The following OPCML variants were observed in gnomAD, a reference collection of about 807,000 sequenced individuals.
OPCML encodes the protein opioid binding protein/cell adhesion molecule like, also known as opioid-binding protein/cell adhesion molecule.
A neutral mutation model predicts 37.8 loss-of-function variants in OPCML; 13 were observed. That is an observed-to-expected ratio of 0.34 (90% CI 0.22 to 0.55). The LOEUF is 0.55. Ranked by LOEUF, OPCML falls within the 20% of genes least tolerant of loss-of-function variation. OPCML has a pLI of 0.91. For synonymous variants in OPCML, 176 were observed against 168.8 expected (o/e 1.04, Z -0.33); for missense variants, 341 against 435.6 (o/e 0.78, Z 1.93).
chr11:133,357,192 T>A (rs980390479), intron 1 of OPCML, among the ~76,000 whole-genome samples: 44 of 152,168 alleles, frequency 2.9e-4, no homozygotes, highest in African/African-American at 8.7e-4. Context: ...GAAACAACCA[T>A]CTCAGGTGGA....
At chr11:132,822,926 T>C (rs970155860) in intron 2 of OPCML, among the ~76,000 whole-genome samples, 4 of 152,212 alleles carry the variant, frequency 2.6e-5, no homozygotes, top group Non-Finnish European at 5.9e-5. Context: ...ATGAAGACTA[T>C]AATCATATCC....
chr11:133,013,700 G>C (rs955640768), intron 1 of OPCML, among the ~76,000 whole-genome samples: 24 of 152,166 alleles, frequency 1.6e-4, no homozygotes, highest in Non-Finnish European at 3.2e-4. Flanking sequence ...GTATTACGTA[G>C]GACAGTAAGT....
chr11:133,309,892 T>C (rs183230520), intron 1 of OPCML, among the ~76,000 whole-genome samples: 1 of 152,312 alleles, frequency 6.6e-6, no homozygotes, highest in African/African-American at 2.4e-5. Flanking sequence ...GGGAATGCAA[T>C]GCTTGAAGGG....
chr11:133,224,162 G>T (rs528169433), intron 1 of OPCML, among the ~76,000 whole-genome samples: 1 of 152,298 alleles, frequency 6.6e-6, no homozygotes, highest in East Asian at 1.9e-4. Context: ...TCAGGAAGGA[G>T]CACTTTGCCA....
At chr11:132,920,014 T>C (rs1944737929) in intron 2 of OPCML, among the ~76,000 whole-genome samples, 1 of 152,182 alleles carries the variant, frequency 6.6e-6, no homozygotes, top group Non-Finnish European at 1.5e-5. Context: ...GAGTAGCCGC[T>C]AATGGGTTTG....
At chr11:132,891,622 C>T (rs1943652435) in intron 2 of OPCML, among the ~76,000 whole-genome samples, 1 of 152,160 alleles carries the variant, frequency 6.6e-6, no homozygotes, top group African/African-American at 2.4e-5. Context: ...AGGCTTTTAT[C>T]TCTCTTGTTC....
intron 2 of OPCML, among the ~76,000 whole-genome samples, chr11:132,936,740 A>T (rs1477782195): frequency 6.6e-6 from 1 of 152,180 alleles, no homozygotes; most frequent in Non-Finnish European, 1.5e-5. Flanking sequence ...CACCAGGTAT[A>T]AAAAGCATCA....
At chr11:132,520,608 A>G (rs1359578328) in intron 4 of OPCML, among the ~76,000 whole-genome samples, 2 of 152,070 alleles carry the variant, frequency 1.3e-5, no homozygotes, top group African/African-American at 2.4e-5. Flanking sequence ...CAAAAATGGT[A>G]GAGATAGGTA....
intron 2 of OPCML, among the ~76,000 whole-genome samples, chr11:132,774,548 T>C (rs1424238595): frequency 1.3e-5 from 2 of 152,224 alleles, no homozygotes; most frequent in African/African-American, 4.8e-5. Context: ...TCTTATTCTG[T>C]GCTTGCAAAG....
chr11:133,138,315 T>C (rs996371147), intron 1 of OPCML, among the ~76,000 whole-genome samples: 1 of 152,184 alleles, frequency 6.6e-6, no homozygotes, highest in African/African-American at 2.4e-5. Context: ...GCTAAACGTC[T>C]TTTGCTTTTA....
At chr11:133,475,881 G>C (rs138967732) in intron 1 of OPCML, among the ~76,000 whole-genome samples, 2,100 of 152,252 alleles carry the variant, frequency 0.014, 60 homozygotes, top group African/African-American at 0.048. Flanking sequence ...TGAAATAAAA[G>C]GTCCTTGCCT....
intron 2 of OPCML, among the ~76,000 whole-genome samples, chr11:132,723,394 T>C (rs1944750910): frequency 6.6e-6 from 1 of 152,208 alleles, no homozygotes; most frequent in Non-Finnish European, 1.5e-5. Context: ...ATCTGGGCTC[T>C]GCTATTTCCC....
intron 3 of OPCML, among the ~76,000 whole-genome samples, chr11:132,608,693 A>G (rs1438119453): frequency 6.6e-6 from 1 of 152,170 alleles, no homozygotes; most frequent in African/African-American, 2.4e-5. Context: ...GCCTCTGGAG[A>G]GTAAACTAAC....
intron 2 of OPCML, among the ~76,000 whole-genome samples, chr11:132,735,012 T>G (rs1945206327): frequency 6.6e-6 from 1 of 152,174 alleles, no homozygotes; most frequent in South Asian, 2.1e-4. Flanking sequence ...AACTAGGTGA[T>G]CTAGATAAGA....
intron 1 of OPCML, among the ~76,000 whole-genome samples, chr11:133,053,705 G>C (rs1948172207): frequency 6.6e-6 from 1 of 152,128 alleles, no homozygotes; most frequent in South Asian, 2.1e-4. Flanking sequence ...TCCATCGTCT[G>C]TCTCAGTCTT....
In OPCML at chr11:132,591,559, A is replaced by G. The variant is rs143088347; in HGVS notation, c.380-62373T>C. Reference sequence around the variant, plus strand: ...TAATCACAGGATCAGGGAGTTTGTCACTCTGAATTTTAATCCTCCACTGTG... The same window carrying G: ...TAATCACAGGATCAGGGAGTTTGTCGCTCTGAATTTTAATCCTCCACTGTG... On this transcript the variant is annotated intron_variant, in intron 3 of 7. Transcript: ENST00000524381. 2.7e-3 allele frequency among the ~76,000 whole-genome samples: 411 copies of G among 152,264 alleles called. 1 individual carries two copies. The highest frequency in any genetic ancestry group is 9.6e-3 in the African/African-American group (397 of 41,552).
intron 4 of OPCML, among the ~76,000 whole-genome samples, chr11:132,474,578 C>T (rs981264330): frequency 6.6e-6 from 1 of 152,124 alleles, no homozygotes; most frequent in African/African-American, 2.4e-5. Context: ...GAATCTCAGG[C>T]CTCACTATTT....
intron 1 of OPCML, among the ~76,000 whole-genome samples, chr11:133,040,304 A>G (rs1947865863): frequency 6.6e-6 from 1 of 151,876 alleles, no homozygotes; most frequent in Admixed American, 6.6e-5. Flanking sequence ...CACTCCTAAC[A>G]TTCACCCCAC....
intron 2 of OPCML, among the ~76,000 whole-genome samples, chr11:132,739,279 C>T (rs1945362290): frequency 6.6e-6 from 1 of 152,136 alleles, no homozygotes; most frequent in South Asian, 2.1e-4. Flanking sequence ...CCCTTTTGTC[C>T]CTTATCACTG....
Sources: gnomAD v4.1 joint callset for allele counts (sites outside exome capture counted in the v4.1 genomes callset) on GRCh38, gnomAD v4.1.1 for gene constraint, MANE v1.5 for transcripts, NCBI Gene and HGNC (gene_info 2026-07-23, HGNC 2026-07-21) for gene names.